The following POC1B variants were observed in gnomAD, a reference collection of about 807,000 sequenced individuals.
The protein encoded by POC1B is POC1 centriolar protein B, also known as POC1 centriolar protein homolog B.
A neutral mutation model predicts 60.6 loss-of-function variants in POC1B; 44 were observed. The observed-to-expected ratio is 0.73, with a 90% CI of 0.57 to 0.93. The LOEUF (loss-of-function observed/expected upper bound fraction) is 0.93, where lower values mean the gene tolerates loss of function less well. POC1B is among the 40% of genes least tolerant of loss of function. The pLI, the probability that POC1B is intolerant of heterozygous loss-of-function variation, is 0.00. For synonymous variants in POC1B, 180 were observed against 198.9 expected (o/e 0.90, Z 0.80); for missense variants, 555 against 572.3 (o/e 0.97, Z 0.31).
intron 2 of POC1B, chr12:89,522,744 C>T (rs1870989261): frequency 4.0e-6 from 6 of 1,504,780 alleles, no homozygotes; most frequent in Non-Finnish European, 5.3e-6. Flanking sequence ...ACAATCTTCA[C>T]TGAGGCTCTT....
rs1313476227 is a variant in POC1B, at chr12:89,526,033, A to T, written c.-138T>A. On this transcript the variant is annotated 5_prime_UTR_variant, in exon 1 of 12. Transcript: ENST00000313546. ...GGCAGCGCCTCCCGGTCACTACAAC[A>T]ACGGCGGCCCAGTCAAACCCCGCGC... The T allele has an allele frequency of 6.5e-7, 1 of 1,534,010 alleles. No homozygotes were observed.
chr12:89,463,573 T>G (rs1354395975), intron 9 of POC1B, among the ~76,000 whole-genome samples: 1 of 152,188 alleles, frequency 6.6e-6, no homozygotes, highest in African/African-American at 2.4e-5. Context: ...AGATACCTTG[T>G]GTAAAAACTG....
At chr12:89,467,198 A>G (rs931740550) in intron 8 of POC1B, among the ~76,000 whole-genome samples, 1 of 152,082 alleles carries the variant, frequency 6.6e-6, no homozygotes, top group African/African-American at 2.4e-5. Context: ...GCCCAAAACC[A>G]TGTTTTGGAC....
chr12:89,411,383 T>C, the POC1B span, among the ~76,000 whole-genome samples: 1 of 152,226 alleles, frequency 6.6e-6, no homozygotes, highest in Non-Finnish European at 1.5e-5. Context: ...CTGGTTGTTT[T>C]ATATGCACAT....
chr12:89,414,238 T>A, the POC1B span, among the ~76,000 whole-genome samples: 1 of 152,198 alleles, frequency 6.6e-6, no homozygotes, highest in East Asian at 1.9e-4. Context: ...TTTAGAATTT[T>A]TAGGTGATCG....
In POC1B at chr12:89,470,500, T is replaced by C. The variant is rs1473643580; in HGVS notation, c.677-6A>G. 1.0e-5 allele frequency: 16 copies of C among 1,585,824 alleles called. No homozygotes were observed. Among genetic ancestry groups the C allele is most frequent in the Non-Finnish European group, 1.4e-5 (16 of 1,161,220 alleles). On this transcript the variant is annotated splice_polypyrimidine_tract_variant and splice_region_variant and intron_variant, in intron 6 of 11. Transcript: ENST00000313546. ...ATTAACTCCACCGCTGTGAACTGAT[T>C]TGTAGAAAATAAAAGCAAAAAGTTC...
rs57112143 is a variant in POC1B at position 89,443,767 on chromosome 12, A to T, written c.1113+15871T>A. On this transcript the variant is annotated intron_variant, in intron 10 of 11. Transcript: ENST00000313546. ...ATAACTAAGATCAGAGCAGAACTGA[A>T]GGAGATAGAGACACAAAAAACCCTT... Among the ~76,000 whole-genome samples the T allele has an allele frequency of 6.7e-3, 1,023 of 152,214 alleles. 8 individuals carry two copies. The highest frequency in any genetic ancestry group is 0.024 in the African/African-American group (988 of 41,542).
chr12:89,446,972 G>A (rs1881817798), intron 10 of POC1B, among the ~76,000 whole-genome samples: 1 of 151,908 alleles, frequency 6.6e-6, no homozygotes, highest in African/African-American at 2.4e-5. Context: ...TCATAGTTTG[G>A]GATATAAACT....
intron 2 of POC1B, chr12:89,522,557 T>C (rs527978112): frequency 5.4e-6 from 2 of 371,238 alleles, no homozygotes; most frequent in Non-Finnish European, 9.5e-6. Flanking sequence ...AGTCAACTTC[T>C]TTTAAGAAGA....
At chr12:89,410,553 G>A in the POC1B span, among the ~76,000 whole-genome samples, 56 of 151,960 alleles carry the variant, frequency 3.7e-4, no homozygotes, top group East Asian at 1.9e-4. Context: ...GGTGGCGGGC[G>A]CCTGTAGCCC....
chr12:89,425,927 G>A (rs1208862241), intron 10 of POC1B: 2 of 152,470 alleles, frequency 1.3e-5, no homozygotes, highest in Non-Finnish European at 2.9e-5. Flanking sequence ...TGAAAGCAGG[G>A]ACTCAACTGG....
At chr12:89,421,617 G>A (rs115664530) in intron 11 of POC1B, among the ~76,000 whole-genome samples, 1,927 of 152,186 alleles carry the variant, frequency 0.013, 53 homozygotes, top group African/African-American at 0.044. Context: ...AGAAGGGGAG[G>A]GGGTGCGAAA....
intron 2 of POC1B, chr12:89,524,895 C>G: frequency 1.4e-6 from 1 of 717,634 alleles, no homozygotes; most frequent in Non-Finnish European, 2.2e-6. Context: ...CCGCCAGGCC[C>G]AGACCGCTGG....
At chr12:89,502,384 C>G in intron 2 of POC1B, 1 of 1,577,424 alleles carries the variant, frequency 6.3e-7, no homozygotes, top group Non-Finnish European at 8.7e-7. Context: ...AATAGATTAT[C>G]AAGGAAGGCC....
chr12:89,507,736 T>C (rs1039899572), intron 2 of POC1B, among the ~76,000 whole-genome samples: 4 of 152,202 alleles, frequency 2.6e-5, no homozygotes, highest in Non-Finnish European at 5.9e-5. Context: ...ATGGAAAACA[T>C]GTTTGCTCTT....
intron 10 of POC1B, among the ~76,000 whole-genome samples, chr12:89,439,604 TTTTA>T (rs951239705): frequency 2.0e-5 from 3 of 152,112 alleles, no homozygotes; most frequent in Admixed American, 2.0e-4. Flanking sequence ...TTTTATTTTG[TTTTA>T]TTTATTTATT....
chr12:89,437,921 C>T (rs1881340033), intron 10 of POC1B, among the ~76,000 whole-genome samples: 2 of 151,792 alleles, frequency 1.3e-5, no homozygotes, highest in Non-Finnish European at 1.5e-5. Flanking sequence ...GTTGGTGTGG[C>T]CTGCAGTTCC....
intron 10 of POC1B, among the ~76,000 whole-genome samples, chr12:89,450,616 A>G (rs1178615610): frequency 6.6e-6 from 1 of 152,234 alleles, no homozygotes; most frequent in African/African-American, 2.4e-5. Context: ...AATAAACAGC[A>G]ATCATGAACA....
intron 2 of POC1B, chr12:89,502,003 TC>T: frequency 1.0e-6 from 1 of 970,884 alleles, no homozygotes; most frequent in Non-Finnish European, 1.7e-6. Flanking sequence ...TCTGGATTGT[TC>T]TAGATCTACA....
Sources: allele counts gnomAD v4.1 joint callset (sites outside exome capture counted in the v4.1 genomes callset), GRCh38; gene constraint gnomAD v4.1.1; transcripts MANE v1.5; gene names NCBI Gene and HGNC (gene_info 2026-07-23, HGNC 2026-07-21).